The following TMEM117 variants were observed in gnomAD, a reference collection of about 807,000 sequenced individuals.
TMEM117 encodes transmembrane protein 117.
Under a neutral mutation model 52.4 loss-of-function variants are expected in TMEM117, and 27 were observed. That is an observed-to-expected ratio of 0.51 (90% CI 0.38 to 0.71). The LOEUF is 0.71. Ranked by LOEUF, TMEM117 falls within the 30% of genes least tolerant of loss-of-function variation. The probability of loss-of-function intolerance (pLI) is 0.00; values close to 1 mark genes in which losing one functional copy is unlikely to be tolerated. For missense variants in TMEM117, 556 were observed against 630.5 expected (o/e 0.88, Z 1.26); for synonymous variants, 215 against 206.3 (o/e 1.04, Z -0.36).
intron 5 of TMEM117, among the ~76,000 whole-genome samples, chr12:44,225,724 G>C (rs1178768142): frequency 6.6e-6 from 1 of 152,140 alleles, no homozygotes; most frequent in African/African-American, 2.4e-5. Flanking sequence ...TAGCATCATT[G>C]CTTCTTATAA....
chr12:43,863,656 G>A (rs976740505), intron 2 of TMEM117, among the ~76,000 whole-genome samples: 1 of 152,186 alleles, frequency 6.6e-6, no homozygotes, highest in Admixed American at 6.5e-5. Context: ...AACTGGCCCT[G>A]AACTGTTCAC....
At chr12:44,151,927 A>G (rs1948732946) in intron 4 of TMEM117, among the ~76,000 whole-genome samples, 3 of 128,982 alleles carry the variant, frequency 2.3e-5, no homozygotes, top group Non-Finnish European at 4.7e-5. Flanking sequence ...TATTATAAAC[A>G]TTATATATTA....
At chr12:44,017,245 G>GTGTGTGTGTGTGTGTGTGTT (rs1165143584) in intron 3 of TMEM117, among the ~76,000 whole-genome samples, 1 of 151,264 alleles carries the variant, frequency 6.6e-6, no homozygotes, top group African/African-American at 2.4e-5. Context: ...GTGTGTGTGT[G>GTGTGTGTGTGTGTGTGTGTT]TGTGTGTTTT....
chr12:44,173,469 G>A lies in TMEM117; in HGVS notation c.510+29845G>A, dbSNP rs147992209. 1.2e-3 allele frequency among the ~76,000 whole-genome samples: 189 copies of A among 151,992 alleles called. 1 individual carries two copies. The highest frequency in any genetic ancestry group is 4.1e-3 in the African/African-American group (169 of 41,298). On this transcript the variant is annotated intron_variant, in intron 4 of 7. Coordinates refer to ENST00000266534, the MANE Select transcript of TMEM117 (RefSeq NM_032256.3). ...TTTCAATGGATTTTTACAGTTGGGG[G>A]CCATTTGCCTTGGTGTTTAACTTGA... is the stretch of plus-strand genomic sequence containing the variant.
At chr12:44,289,529 A>G (rs1950677047) in intron 5 of TMEM117, among the ~76,000 whole-genome samples, 1 of 133,934 alleles carries the variant, frequency 7.5e-6, no homozygotes, top group African/African-American at 3.2e-5. Context: ...TGTAAAAGAG[A>G]TCTGTTTTCT....
At chr12:44,121,313 T>A (rs1235022963) in intron 3 of TMEM117, among the ~76,000 whole-genome samples, 1 of 152,098 alleles carries the variant, frequency 6.6e-6, no homozygotes, top group Non-Finnish European at 1.5e-5. Flanking sequence ...AAATCTGTAA[T>A]AAATATGGTT....
intron 3 of TMEM117, among the ~76,000 whole-genome samples, chr12:43,953,951 A>T (rs896064501): frequency 3.3e-5 from 5 of 152,176 alleles, no homozygotes; most frequent in African/African-American, 4.8e-5. Flanking sequence ...TCATAACAAA[A>T]GTCTCTCAGA....
chr12:43,888,913 G>T (rs1944050128), intron 2 of TMEM117, among the ~76,000 whole-genome samples: 1 of 151,960 alleles, frequency 6.6e-6, no homozygotes, highest in Non-Finnish European at 1.5e-5. Context: ...AAATCATGAA[G>T]AAACTGAGGA....
intron 4 of TMEM117, among the ~76,000 whole-genome samples, chr12:44,152,841 T>C (rs527800948): frequency 3.5e-5 from 5 of 144,760 alleles, no homozygotes; most frequent in African/African-American, 1.3e-4. Context: ...ATTGTATTTA[T>C]ATAAATACAA....
intron 2 of TMEM117, among the ~76,000 whole-genome samples, chr12:43,893,892 G>C (rs535163751): frequency 1.3e-5 from 2 of 152,154 alleles, no homozygotes; most frequent in African/African-American, 2.4e-5. Flanking sequence ...TTTCAAGAAG[G>C]CTTATTCACT....
At chr12:43,943,415 C>T (rs1419901479) in intron 2 of TMEM117, among the ~76,000 whole-genome samples, 2 of 152,016 alleles carry the variant, frequency 1.3e-5, no homozygotes, top group Admixed American at 1.3e-4. Flanking sequence ...TTTCTCTTTA[C>T]CATAAATCAA....
intron 3 of TMEM117, among the ~76,000 whole-genome samples, chr12:43,976,345 C>T (rs1374204625): frequency 1.3e-5 from 2 of 152,100 alleles, no homozygotes; most frequent in Non-Finnish European, 2.9e-5. Flanking sequence ...CACAGGTATC[C>T]AGTAAAAGAG....
At chr12:43,958,343 T>C (rs113537878) in intron 3 of TMEM117, among the ~76,000 whole-genome samples, 18 of 152,296 alleles carry the variant, frequency 1.2e-4, no homozygotes, top group African/African-American at 3.4e-4. Flanking sequence ...GGGCAGAATA[T>C]GAAGAAGCTG....
intron 3 of TMEM117, among the ~76,000 whole-genome samples, chr12:44,028,410 G>A (rs1946578353): frequency 6.6e-6 from 1 of 152,206 alleles, no homozygotes; most frequent in African/African-American, 2.4e-5. Flanking sequence ...CTACTGGGCT[G>A]CATTCCCAGA....
chr12:43,971,407 T>C (rs927169829), intron 3 of TMEM117, among the ~76,000 whole-genome samples: 1 of 152,234 alleles, frequency 6.6e-6, no homozygotes, highest in Non-Finnish European at 1.5e-5. Flanking sequence ...TATCTCATTA[T>C]TCTGCTCTTT....
chr12:44,364,887 A>G (rs965071405), intron 6 of TMEM117, among the ~76,000 whole-genome samples: 1 of 152,130 alleles, frequency 6.6e-6, no homozygotes, highest in Non-Finnish European at 1.5e-5. Context: ...CCTAAGAAAC[A>G]TAAAAGCTGT....
intron 3 of TMEM117, among the ~76,000 whole-genome samples, chr12:44,130,154 AT>A (rs933425575): frequency 6.6e-6 from 1 of 152,178 alleles, no homozygotes; most frequent in African/African-American, 2.4e-5. Flanking sequence ...GGTTCTTTAT[AT>A]TTTTGGTAAT....
At chr12:44,024,575 G>A (rs1336765322) in intron 3 of TMEM117, among the ~76,000 whole-genome samples, 1 of 151,118 alleles carries the variant, frequency 6.6e-6, no homozygotes, top group Non-Finnish European at 1.5e-5. Context: ...AGGCAGGAAG[G>A]GAGAAAGGAA....
intron 3 of TMEM117, among the ~76,000 whole-genome samples, chr12:44,077,068 A>G (rs75028657): frequency 0.022 from 3,356 of 152,308 alleles, 140 homozygotes; most frequent in African/African-American, 0.076. Context: ...CATACTCACC[A>G]GGAGACATTA....
Sources: gnomAD v4.1 joint callset for allele counts (sites outside exome capture counted in the v4.1 genomes callset) on GRCh38, gnomAD v4.1.1 for gene constraint, MANE v1.5 for transcripts, NCBI Gene and HGNC (gene_info 2026-07-23, HGNC 2026-07-21) for gene names.